Variants in LTBP4 observed in about 807,000 individuals in gnomAD.
The protein encoded by LTBP4 is latent-transforming growth factor beta-binding protein 4.
Under a neutral mutation model 180.2 loss-of-function variants are expected in LTBP4, and 93 were observed. The observed-to-expected ratio is 0.52, with a 90% CI of 0.44 to 0.61. The LOEUF is 0.61. Ranked by LOEUF, LTBP4 falls within the 20% of genes least tolerant of loss-of-function variation. The pLI is 0.00. For missense variants in LTBP4, 2,116 were observed against 2,256.5 expected, an observed-to-expected ratio of 0.94 and a Z score of 1.26; for synonymous variants, 947 against 934.5, an observed-to-expected ratio of 1.01 and a Z score of -0.24.
At chr19:40,597,034 C>T (rs1281318601), upstream of LTBP4, among the ~76,000 whole-genome samples, 1 of 152,266 alleles carries the variant, frequency 6.6e-6, no homozygotes, top group Non-Finnish European at 1.5e-5. Flanking sequence ...GCACCTGTCC[C>T]TGCTGCCTCC....
intron 22 of LTBP4, among the ~76,000 whole-genome samples, chr19:40,621,526 C>T (rs539031872): frequency 2.0e-5 from 3 of 152,252 alleles, no homozygotes; most frequent in Non-Finnish European, 2.9e-5. Flanking sequence ...GATTTTGAAA[C>T]CTCCCTCTGG....
upstream of LTBP4, among the ~76,000 whole-genome samples, chr19:40,596,989 G>A (rs1297369280): frequency 6.6e-6 from 1 of 152,058 alleles, no homozygotes; most frequent in East Asian, 1.9e-4. Flanking sequence ...CCCCCACCGC[G>A]TGGGGAACTC....
rs1307793322 is a variant in LTBP4, at chr19:40,608,512, C to T, written c.1335C>T (p.Pro445=). 3.1e-6 allele frequency: 5 copies of T among 1,606,298 alleles called. No individual in the cohort carries two copies. Among genetic ancestry groups the T allele is most frequent in the Non-Finnish European group, 2.5e-6 (3 of 1,176,678 alleles). ...TTCTGCCCACCCATCGCCTGGAGCCCCGGCCTGAACCCCGGCCCGATCCCC... is the reference window on the plus strand; with the variant it reads ...TTCTGCCCACCCATCGCCTGGAGCCTCGGCCTGAACCCCGGCCCGATCCCC... ...AGFLPTHRLE[P]RPEPRPDPRP... The change falls in exon 9 of 30, where the codon CCC becomes CCT. Residue 445 remains proline, a synonymous_variant. Transcript: ENST00000396819.
chr19:40,597,239 C>A (rs905030023), upstream of LTBP4: 1 of 1,499,930 alleles, frequency 6.7e-7, no homozygotes. Context: ...GACACGATGC[C>A]GAGGCCTGGC....
chr19:40,623,535 C>T (rs577848680), intron 24 of LTBP4, 69 bp from the exon 25 acceptor site: 78 of 1,541,820 alleles, frequency 5.1e-5, no homozygotes, highest in Non-Finnish European at 6.6e-5. Flanking sequence ...TCTCTGTCTT[C>T]CCACGTCATG....
In LTBP4 at chr19:40,601,497, C is replaced by T. The variant is rs1165322089; in HGVS notation, c.110C>T (p.Thr37Ile). The change falls in exon 1 of 30, where the codon ACC becomes ATC. Residue 37 changes from threonine (T) to isoleucine (I), a missense_variant. Physicochemically the swap from Thr to Ile is moderately conservative, Grantham distance 89. Coordinates refer to ENST00000396819, the MANE Select transcript of LTBP4 (RefSeq NM_001042545.2). ...RLGERLRVRF[T>I]PVVCGLRCVH... ...GGAGAGCGTCTCCGCGTGCGCTTCA[C>T]CCCGGTCGTGTGCGGCCTGCGCTGC... is the stretch of plus-strand genomic sequence containing the variant. 11 of 1,497,350 alleles carry T rather than the reference C, an allele frequency of 7.3e-6. No individual in the cohort carries two copies. The African/African-American group carries it at 1.5e-4, about 20-fold the overall frequency. The allele number at this position is 1,497,350 out of a possible 1,614,324, so 92.8% of individuals were successfully genotyped here. A position where few individuals can be genotyped will look rare whatever the true frequency, so the allele number is the denominator to read the frequency against.
chr19:40,626,298 C>A (rs146353450), intron 27 of LTBP4, among the ~76,000 whole-genome samples: 1 of 152,100 alleles, frequency 6.6e-6, no homozygotes, highest in African/African-American at 2.4e-5. Flanking sequence ...TCTCTAGAAC[C>A]ACCAGACACA....
Position 40,629,743 on chromosome 19 carries a change from C to T in LTBP4, c.*193C>T, listed in dbSNP as rs189461364. 105 of 473,598 alleles carry T rather than the reference C, an allele frequency of 2.2e-4. No homozygotes were observed. Among genetic ancestry groups the T allele is most frequent in the Non-Finnish European group, 1.7e-4 (52 of 304,048 alleles). 29.3% of individuals were successfully genotyped at this position (473,598 alleles called of 1,614,324 possible). On this transcript the variant is annotated 3_prime_UTR_variant, in exon 30 of 30. Coordinates refer to ENST00000396819, the MANE Select transcript of LTBP4 (RefSeq NM_001042545.2). This position sits in a 1 kb window ranked among gnomAD's most constrained non-coding sequence, Gnocchi z 4.5. ...GCGCCTCCCACTGATGTCGTGGTCC[C>T]GGGCCTGGCCCAGGGGCCCCTTTAC...
intron 26 of LTBP4, 51 bp from the exon 27 acceptor site, chr19:40,625,806 G>A: frequency 6.8e-7 from 1 of 1,467,406 alleles, no homozygotes; most frequent in Non-Finnish European, 9.1e-7. Flanking sequence ...CCAGCCCCTG[G>A]GAGGACCTGA....
chr19:40,597,130 A>G (rs2081394712), upstream of LTBP4: 3 of 1,071,820 alleles, frequency 2.8e-6, no homozygotes, highest in East Asian at 3.4e-5. Flanking sequence ...GGAGAAAGTG[A>G]GTCGGCCTCG....
At chr19:40,596,191 A>T (rs1003846005) in intron 1 of LTBP4, among the ~76,000 whole-genome samples, 20 of 152,156 alleles carry the variant, frequency 1.3e-4, no homozygotes, top group African/African-American at 4.6e-4. Flanking sequence ...AAGTGCTGGG[A>T]TTACAGGCAT....
chr19:40,619,730 G>A lies in LTBP4; in HGVS notation c.3217+237G>A, dbSNP rs115719406. ...TTCACAGGGTGTGCACTGTGTTCAG[G>A]CCATCTTCTGGGCACTGAGAACATA... is the stretch of plus-strand genomic sequence containing the variant. On this transcript the variant is annotated intron_variant, in intron 22 of 29. Coordinates refer to ENST00000396819, the MANE Select transcript of LTBP4 (RefSeq NM_001042545.2). Among the ~76,000 whole-genome samples the A allele has an allele frequency of 0.02, 3,103 of 152,250 alleles. 108 individuals carry two copies. Among genetic ancestry groups the A allele is most frequent in the African/African-American group, 0.07 (2,926 of 41,528 alleles).
Position 40,627,685 on chromosome 19 carries a change from G to A in LTBP4, c.4367-20G>A. 6.4e-7 allele frequency: 1 copy of A among 1,574,248 alleles called. No homozygotes were observed. The highest frequency in any genetic ancestry group is 8.6e-7 in the Non-Finnish European group (1 of 1,161,696). ...TGAAGGCAGGGACCTCAAGTCATAGGGTCCCCGCATTTCCCACAGGTTCCC... is the reference window on the plus strand; with the variant it reads ...TGAAGGCAGGGACCTCAAGTCATAGAGTCCCCGCATTTCCCACAGGTTCCC... On this transcript the variant is annotated intron_variant, in intron 28 of 29. Coordinates refer to ENST00000396819, the MANE Select transcript of LTBP4 (RefSeq NM_001042545.2).
rs1390445131 is a variant in LTBP4, at chr19:40,622,580, A to G, written c.3397A>G (p.Asn1133Asp). The change falls in exon 23 of 30, where the codon AAT (asparagine) becomes GAT (aspartate). Residue 1133 changes from asparagine to aspartate, a missense_variant. Coordinates refer to ENST00000396819, the MANE Select transcript of LTBP4 (RefSeq NM_001042545.2). The surrounding 1 kb of genome is among the most constrained non-coding windows in gnomAD (Gnocchi z 5.1). The stretch of plus-strand genomic sequence containing the variant: ...TGCATGTGACAACATCCTGGCTCGG[A>G]ATGTGACATGGCAGGAGTGCTGCTG... ...PDACDNILAR[N>D]VTWQECCCTV... The G allele has an allele frequency of 1.2e-6, 2 of 1,613,578 alleles. No individual in the cohort carries two copies. The highest frequency in any genetic ancestry group is 1.7e-6 in the Non-Finnish European group (2 of 1,179,830).
At chr19:40,621,852 A>T (rs955789507) in intron 22 of LTBP4, among the ~76,000 whole-genome samples, 2 of 152,088 alleles carry the variant, frequency 1.3e-5, no homozygotes, top group African/African-American at 4.8e-5. Context: ...GGTTCAAGCG[A>T]TTCTCCTGCC....
intron 1 of LTBP4, among the ~76,000 whole-genome samples, chr19:40,593,795 C>A (rs180992048): frequency 4.4e-4 from 66 of 150,754 alleles, no homozygotes; most frequent in East Asian, 2.0e-3. Flanking sequence ...TTATTATTTT[C>A]TTTATTTCTT....
chr19:40,610,344 C>T lies in LTBP4; in HGVS notation c.1685-188C>T, dbSNP rs1165811510. 4 of 640,760 alleles carry T rather than the reference C, an allele frequency of 6.2e-6. No homozygotes were observed. The African/African-American group carries it at 7.4e-5, about 12-fold the overall frequency. 39.7% of individuals were successfully genotyped at this position (640,760 alleles called of 1,614,324 possible). ...CCCAAAGCTCTCCTTTCTGCCCTTG[C>T]GCTACCAAACCCTGCCCTCCACAAT... is the stretch of plus-strand genomic sequence containing the variant. On this transcript the variant is annotated intron_variant, in intron 11 of 29. Coordinates refer to ENST00000396819, the MANE Select transcript of LTBP4 (RefSeq NM_001042545.2).
In LTBP4 at chr19:40,613,961, G is replaced by T. The variant is rs1208797225; in HGVS notation, c.2603G>T (p.Cys868Phe). The T allele has an allele frequency of 6.2e-7, 1 of 1,613,592 alleles. No homozygotes were observed. Among genetic ancestry groups the T allele is most frequent in the Non-Finnish European group, 8.5e-7 (1 of 1,179,830 alleles). The change falls in exon 18 of 30, where the codon TGT (cysteine) becomes TTT (phenylalanine). Residue 868 changes from cysteine to phenylalanine, a missense_variant. By Grantham distance (205) the Cys-to-Phe change is radical. This residue lies in a region of LTBP4 where 877 missense variants were observed against 873.6 expected (regional missense o/e 1.00). Transcript: ENST00000396819. The surrounding 1 kb of genome is among the most constrained non-coding windows in gnomAD (Gnocchi z 5.0). ...SEEDLCQSGI[C>F]TNTDGSFECI... ...GAGGACCTTTGCCAGAGCGGCATCT[G>T]TACCAACACCGACGGCTCCTTCGAG...
Position 40,625,870 on chromosome 19 carries a change from AGT to A in LTBP4, c.3850_3851del (p.Cys1284LeufsTer7). Reference protein sequence around the residue: ...ESQSLDDNLGVCWQEVGADLV... With the variant: ...ESQSLDDNLGXCWQEVGADLV... ...CTCCACCTACAGATGACAATCTGGG[AGT>A]GTGCTGGCAGGAAGTGGGGGCTGAC... On this transcript the variant is annotated frameshift_variant, in exon 27 of 30. Transcript: ENST00000396819. LOFTEE classifies it high-confidence loss of function. The A allele has an allele frequency of 6.3e-7, 1 of 1,589,260 alleles. No homozygotes were observed. Among genetic ancestry groups the A allele is most frequent in the Non-Finnish European group, 8.6e-7 (1 of 1,169,022 alleles).
Sources: gnomAD v4.1 joint callset for allele counts (sites outside exome capture counted in the v4.1 genomes callset) on GRCh38, gnomAD v4.1.1 for gene constraint, gnomAD v4.1.1 regional missense constraint, Gnocchi (gnomAD v3.1) non-coding constraint, MANE v1.5 for transcripts, NCBI Gene and HGNC (gene_info 2026-07-23, HGNC 2026-07-21) for gene names.